Variants in UQCRC2 observed in about 807,000 individuals in gnomAD.
UQCRC2 encodes ubiquinol-cytochrome c reductase core protein 2, also known as cytochrome b-c1 complex subunit 2, mitochondrial.
UQCRC2 carries 49 observed loss-of-function variants against 55.6 expected under a neutral mutation model. That is an observed-to-expected ratio of 0.88 (90% CI 0.70 to 1.12). UQCRC2 has a LOEUF of 1.12. UQCRC2 is among the 50% of genes most tolerant of loss of function. UQCRC2 has a pLI of 0.00. For synonymous variants in UQCRC2, 193 were observed against 192.0 expected (o/e 1.01, Z -0.04); for missense variants, 506 against 547.8 (o/e 0.92, Z 0.76).
chr16:21,957,110 G>A, intron 1 of UQCRC2, 125 bp from the exon 2 acceptor site: 3 of 758,650 alleles, frequency 4.0e-6, no homozygotes, highest in Non-Finnish European at 6.3e-6. Flanking sequence ...TCCTCCCATG[G>A]AGGTGGTTAT....
rs762170081 is a variant in UQCRC2, at chr16:21,971,995, G to T, written c.839G>T (p.Ser280Ile). The change falls in exon 10 of 14, where the codon AGT (serine) becomes ATT (isoleucine). Residue 280 changes from serine to isoleucine, a missense_variant. Physicochemically the swap from Ser to Ile is moderately radical, Grantham distance 142. Coordinates refer to ENST00000268379, the MANE Select transcript of UQCRC2 (RefSeq NM_003366.4). ...AFVAESAVAG[S>I]AEANAFSVLQ... ...GTAGCAGAAAGTGCTGTCGCGGGAAGTGCAGAGGCAAATGCATTTAGTGTT... is the reference window on the plus strand; with the variant it reads ...GTAGCAGAAAGTGCTGTCGCGGGAATTGCAGAGGCAAATGCATTTAGTGTT... The T allele has an allele frequency of 6.2e-7, 1 of 1,614,072 alleles. No homozygotes were observed. Among genetic ancestry groups the T allele is most frequent in the African/African-American group, 1.3e-5 (1 of 74,932 alleles).
intron 8 of UQCRC2, among the ~76,000 whole-genome samples, chr16:21,969,558 A>T (rs1898408363): frequency 6.6e-6 from 1 of 152,190 alleles, no homozygotes. Context: ...AAATGTTTAC[A>T]CTCATAGACC....
Position 21,962,761 on chromosome 16 carries a change from T to G in UQCRC2, c.390T>G (p.Val130=). 1.9e-6 allele frequency: 3 copies of G among 1,614,122 alleles called. No individual in the cohort carries two copies. Among genetic ancestry groups the G allele is most frequent in the Non-Finnish European group, 2.5e-6 (3 of 1,180,026 alleles). ...ATTCTTATCTCGATGTCTTCTGTAG[T>G]GATATTCTAATGGAGTTCCTGCTCA... The part of the protein sequence containing the change: ...AYTVECLRGD[V]DILMEFLLNV... Residue 130 remains valine (V), a splice_region_variant and synonymous_variant, in exon 6 of 14, where the codon GTT becomes GTG. Transcript: ENST00000268379.
chr16:21,965,466 T>A lies in UQCRC2; in HGVS notation c.573T>A (p.Tyr191Ter). The A allele has an allele frequency of 6.2e-7, 1 of 1,613,232 alleles. No individual in the cohort carries two copies. Among genetic ancestry groups the A allele is most frequent in the Non-Finnish European group, 8.5e-7 (1 of 1,179,766 alleles). ...AYRNALANPL[Y>*]CPDYRIGKVT... is the part of the protein sequence containing the mutation. ...GGAATGCCTTGGCTAATCCCTTGTA[T>A]TGTCCTGACTATAGGATTGGAAAAG... is the stretch of plus-strand genomic sequence containing the variant. Residue 191 changes from tyrosine to a stop codon, truncating the protein, a stop_gained, in exon 7 of 14, where the codon TAT becomes TAA. Coordinates refer to ENST00000268379, the MANE Select transcript of UQCRC2 (RefSeq NM_003366.4). LOFTEE classifies it high-confidence loss of function.
In UQCRC2 at chr16:21,957,226, T is replaced by C. The variant is rs576436217; in HGVS notation, c.34-9T>C. On this transcript the variant is annotated splice_polypyrimidine_tract_variant and intron_variant, in intron 1 of 13. Transcript: ENST00000268379. ...AGAAATACGTGTAACCTGTGTTTTT[T>C]ATGTTTAGAGATTTTATTCCCTCAA... is the stretch of plus-strand genomic sequence containing the variant. The C allele has an allele frequency of 1.9e-6, 3 of 1,613,180 alleles. No individual in the cohort carries two copies. In the Admixed American group the frequency reaches 5.0e-5, roughly 27 times the overall value.
At position 21,971,577 on chromosome 16, in the gene UQCRC2, GGGT is replaced by G; in HGVS notation, c.726_728del (p.Gly243del). On this transcript the variant is annotated inframe_deletion, in exon 9 of 14. Transcript: ENST00000268379. ...TTGCTGAACAGTTTCTCAACATGAG[GGGT>G]GGGCTTGGTTTATCTGGTGCAAAGG... The G allele has an allele frequency of 6.2e-7, 1 of 1,614,160 alleles. No homozygotes were observed. Among genetic ancestry groups the G allele is most frequent in the South Asian group, 1.1e-5 (1 of 91,084 alleles).
intron 13 of UQCRC2, among the ~76,000 whole-genome samples, chr16:21,980,937 C>T (rs1020803118): frequency 1.8e-4 from 27 of 152,086 alleles, no homozygotes; most frequent in African/African-American, 6.3e-4. Context: ...ACTGTGATGT[C>T]AGTAAGAGGG....
intron 11 of UQCRC2, 88 bp from the exon 12 acceptor site, chr16:21,976,079 G>GT: frequency 1.2e-6 from 1 of 821,894 alleles, no homozygotes; most frequent in South Asian, 1.5e-5. Context: ...CCTTCCATCT[G>GT]TGTTTTTGCC....
At chr16:21,961,668 A>ATTTT (rs1421950793) in intron 4 of UQCRC2, among the ~76,000 whole-genome samples, 1 of 116,044 alleles carries the variant, frequency 8.6e-6, no homozygotes, top group Admixed American at 9.0e-5. Context: ...ATATATATAT[A>ATTTT]TTTTAGACAG....
intron 7 of UQCRC2, among the ~76,000 whole-genome samples, chr16:21,966,165 T>C (rs994623442): frequency 6.7e-6 from 1 of 150,202 alleles, no homozygotes; most frequent in Non-Finnish European, 1.5e-5. Context: ...AAAAAATATA[T>C]ATATATGTGT....
chr16:21,958,543 A>AG lies in UQCRC2; in HGVS notation c.278dup (p.Ala94SerfsTer11). ...ATTCTTTCTTTTTCAAGACGACAAA[A>AG]GGAGCTTCATCTTTCAAGATAACCC... On this transcript the variant is annotated frameshift_variant, in exon 4 of 14. Transcript: ENST00000268379. LOFTEE classifies it high-confidence loss of function. 6.2e-7 allele frequency: 1 copy of AG among 1,612,296 alleles called. No individual in the cohort carries two copies. Among genetic ancestry groups the AG allele is most frequent in the African/African-American group, 1.3e-5 (1 of 74,954 alleles).
rs1187184820 is a variant in UQCRC2 at position 21,958,576 on chromosome 16, T to C, written c.309T>C (p.Ile103=). ...GASSFKITRG[I]EAVGGKLSVT... is the part of the protein sequence containing the mutation. Reference sequence around the variant, plus strand: ...CATCTTTCAAGATAACCCGTGGAATTGAAGCAGTTGGTGGCAAATTAAGGT... The same window carrying C: ...CATCTTTCAAGATAACCCGTGGAATCGAAGCAGTTGGTGGCAAATTAAGGT... Residue 103 remains isoleucine (I), a synonymous_variant, in exon 4 of 14, where the codon ATT becomes ATC. Transcript: ENST00000268379. 1.2e-6 allele frequency: 2 copies of C among 1,612,476 alleles called. No individual in the cohort carries two copies. Among genetic ancestry groups the C allele is most frequent in the South Asian group, 1.1e-5 (1 of 90,546 alleles).
intron 4 of UQCRC2, chr16:21,959,236 C>G (rs983216321): frequency 1.9e-5 from 3 of 159,426 alleles, no homozygotes; most frequent in Non-Finnish European, 2.8e-5. Flanking sequence ...TGTTTTTAGC[C>G]GTTTACCCAC....
Position 21,962,822 on chromosome 16 carries a change from G to A in UQCRC2, c.451G>A (p.Val151Ile), listed in dbSNP as rs755979321. ...AGCACCAGAATTTCGTCGTTGGGAA[G>A]TAGCTGACCTTCAGCCTCAGCTAAA... is the stretch of plus-strand genomic sequence containing the variant. ...TTAPEFRRWE[V>I]ADLQPQLKID... Residue 151 changes from valine (V) to isoleucine (I), a missense_variant, in exon 6 of 14, where the codon GTA becomes ATA. Transcript: ENST00000268379. 2 of 1,614,098 alleles carry A rather than the reference G, an allele frequency of 1.2e-6. No individual in the cohort carries two copies. The highest frequency in any genetic ancestry group is 1.7e-5 in the Admixed American group (1 of 60,028).
At position 21,975,324 on chromosome 16, in the gene UQCRC2, T is replaced by TA. The variant is rs1567478119; in HGVS notation, c.1048-841dup. On this transcript the variant is annotated intron_variant, in intron 11 of 13. Coordinates refer to ENST00000268379, the MANE Select transcript of UQCRC2 (RefSeq NM_003366.4). ...TAGAGATCTTGATAAAGTGGAAGAA[T>TA]AAGGATAGTGAGATTAAAGACTGAG... Among the ~76,000 whole-genome samples the TA allele has an allele frequency of 2.0e-5, 3 of 152,064 alleles. No individual in the cohort carries two copies. In the East Asian group the frequency reaches 5.8e-4, roughly 29 times the overall value.
At chr16:21,975,353 G>A (rs1898556931) in intron 11 of UQCRC2, among the ~76,000 whole-genome samples, 3 of 152,206 alleles carry the variant, frequency 2.0e-5, no homozygotes, top group South Asian at 2.1e-4. Flanking sequence ...GACTGAGGTC[G>A]GGGTCTTAGA....
At chr16:21,981,280 T>G (rs1898720862) in intron 13 of UQCRC2, among the ~76,000 whole-genome samples, 1 of 152,180 alleles carries the variant, frequency 6.6e-6, no homozygotes, top group African/African-American at 2.4e-5. Context: ...GACTATGTCA[T>G]GTACTTCTTT....
At chr16:21,982,648 AT>A (rs1385550971) in intron 13 of UQCRC2, among the ~76,000 whole-genome samples, 12 of 152,206 alleles carry the variant, frequency 7.9e-5, no homozygotes, top group Admixed American at 2.0e-4. Context: ...CACAACAGCT[AT>A]TATAGTAATT....
rs1597973053 is a variant in UQCRC2, at chr16:21,983,431, A to G, written c.*260A>G. The G allele has an allele frequency of 2.2e-6, 1 of 447,694 alleles. No homozygotes were observed. Among genetic ancestry groups the G allele is most frequent in the East Asian group, 3.4e-5 (1 of 29,450 alleles). 27.7% of individuals were successfully genotyped at this position (447,694 alleles called of 1,614,324 possible). On this transcript the variant is annotated 3_prime_UTR_variant, in exon 14 of 14. Coordinates refer to ENST00000268379, the MANE Select transcript of UQCRC2 (RefSeq NM_003366.4). Reference sequence around the variant, plus strand: ...ATCTTTGTTTTAGATGCTTTAAAGGAGACAGGAATATAATTATTGAGTATA... The same window carrying G: ...ATCTTTGTTTTAGATGCTTTAAAGGGGACAGGAATATAATTATTGAGTATA...
Sources: gnomAD v4.1 joint callset for allele counts (sites outside exome capture counted in the v4.1 genomes callset) on GRCh38, gnomAD v4.1.1 for gene constraint, MANE v1.5 for transcripts, NCBI Gene and HGNC (gene_info 2026-07-23, HGNC 2026-07-21) for gene names.